Variants in RYR1 observed in about 807,000 individuals in gnomAD.
RYR1 encodes central core disease of muscle.
A neutral mutation model predicts 583.5 loss-of-function variants in RYR1; 342 were observed. The observed-to-expected ratio is 0.59, with a 90% confidence interval of 0.54 to 0.64. The LOEUF is 0.64. RYR1 is among the 30% of genes least tolerant of loss of function. The pLI is 0.00. For synonymous variants in RYR1, 2,791 were observed against 2,822.5 expected, an observed-to-expected ratio of 0.99 and a Z score of 0.35; for missense variants, 6,032 against 6,917.2, an observed-to-expected ratio of 0.87 and a Z score of 4.54.
At chr19:38,507,146 G>A (rs942246847) in intron 57 of RYR1, among the ~76,000 whole-genome samples, 194 bp downstream of exon 57, 1 of 131,976 alleles carries the variant, frequency 7.6e-6, no homozygotes, top group African/African-American at 3.1e-5. Flanking sequence ...GTTCGAAATG[G>A]GCGGGGCTTA....
At position 38,500,822 on chromosome 19, in the gene RYR1, T is replaced by C. The variant is rs374058542; in HGVS notation, c.7446T>C (p.Asp2482=). The change falls in exon 47 of 106, where the codon GAT becomes GAC. Residue 2482 remains aspartate, a splice_region_variant and synonymous_variant. Coordinates refer to ENST00000359596, the MANE Select transcript of RYR1 (RefSeq NM_000540.3). This position sits in a 1 kb window ranked among gnomAD's most constrained non-coding sequence, Gnocchi z 5.9. The part of the protein sequence containing the change: ...LPLQIPTLGK[D]GALVQPKMSA... ...CGAACCCACCCTCCCTGCCTGCAGA[T>C]GGGGCTCTGGTGCAGCCAAAGATGT... is the stretch of plus-strand genomic sequence containing the variant. The C allele has an allele frequency of 3.1e-6, 5 of 1,611,870 alleles. No individual in the cohort carries two copies. Among genetic ancestry groups the C allele is most frequent in the Non-Finnish European group, 3.4e-6 (4 of 1,178,924 alleles).
chr19:38,546,215 AC>A (rs901042252), intron 87 of RYR1, among the ~76,000 whole-genome samples: 17 of 151,626 alleles, frequency 1.1e-4, no homozygotes, highest in African/African-American at 3.9e-4. Flanking sequence ...CAGCCTTCCC[AC>A]TACCCATCAC....
intron 16 of RYR1, 105 bp from the exon 17 acceptor site, chr19:38,457,392 C>G (rs1967469164): frequency 1.3e-6 from 2 of 1,529,734 alleles, no homozygotes; most frequent in Admixed American, 3.3e-5. Flanking sequence ...CACATCTTAT[C>G]CCGATGCGCT....
chr19:38,515,746 A>G (rs1970938577), intron 64 of RYR1, among the ~76,000 whole-genome samples: 1 of 152,162 alleles, frequency 6.6e-6, no homozygotes, highest in Non-Finnish European at 1.5e-5. Flanking sequence ...CAGCCTGAGC[A>G]GCATAGGGAG....
chr19:38,478,152 C>T (rs1968832694), intron 30 of RYR1, among the ~76,000 whole-genome samples: 1 of 152,026 alleles, frequency 6.6e-6, no homozygotes, highest in African/African-American at 2.4e-5. Context: ...TCTCACCCTT[C>T]TCCTTCTCTG....
At chr19:38,435,715 G>A (rs1972396831) in intron 1 of RYR1, among the ~76,000 whole-genome samples, 1 of 152,040 alleles carries the variant, frequency 6.6e-6, no homozygotes, top group South Asian at 2.1e-4. Flanking sequence ...TCCAGCCTGG[G>A]CGACAGGGCG....
rs1337465189 is a variant in RYR1, at chr19:38,532,688, G to A, written c.11211G>A (p.Glu3737=). The A allele has an allele frequency of 2.5e-6, 4 of 1,614,028 alleles. No individual in the cohort carries two copies. The highest frequency in any genetic ancestry group is 1.7e-5 in the Admixed American group (1 of 59,998). The change falls in exon 78 of 106, where the codon GAG becomes GAA. Residue 3737 remains glutamate, a synonymous_variant. Coordinates refer to ENST00000359596, the MANE Select transcript of RYR1 (RefSeq NM_000540.3). ...DIMAKSCHLE[E]GGENGEAEEE... is the part of the protein sequence containing the mutation. ...CTCCCCAGAGCTGCCACCTGGAGGA[G>A]GGAGGGGAGAACGGTGAAGCTGAAG...
intron 84 of RYR1, among the ~76,000 whole-genome samples, chr19:38,541,587 A>G (rs541629629): frequency 6.6e-5 from 10 of 152,246 alleles, no homozygotes; most frequent in Admixed American, 2.0e-4. Flanking sequence ...GTGGTGGCGC[A>G]TGCCTGTAAT....
intron 67 of RYR1, 51 bp downstream of exon 67, chr19:38,519,505 C>A: frequency 6.4e-7 from 1 of 1,555,694 alleles, no homozygotes. Context: ...CTCCCACGTC[C>A]TCCAGCCCCA....
At chr19:38,434,229 C>T (rs953798438) in intron 1 of RYR1, among the ~76,000 whole-genome samples, 16 of 152,034 alleles carry the variant, frequency 1.1e-4, no homozygotes, top group African/African-American at 2.9e-4. Flanking sequence ...ATTTAGCCAT[C>T]CCCCCACCCC....
intron 7 of RYR1, among the ~76,000 whole-genome samples, chr19:38,445,293 T>A (rs1470674968): frequency 7.3e-6 from 1 of 137,128 alleles, no homozygotes; most frequent in Non-Finnish European, 1.5e-5. Context: ...TCTCAGCCCC[T>A]CAAACCCAGA....
At chr19:38,466,955 G>T (rs1292312378) in intron 24 of RYR1, among the ~76,000 whole-genome samples, 2 of 152,118 alleles carry the variant, frequency 1.3e-5, no homozygotes, top group Non-Finnish European at 2.9e-5. Flanking sequence ...GGCTATGACT[G>T]CAAACCAGAG....
chr19:38,505,986 G>A, intron 54 of RYR1, 40 bp downstream of exon 54: 1 of 1,601,652 alleles, frequency 6.2e-7, no homozygotes, highest in Non-Finnish European at 8.5e-7. Context: ...GGCACGATGG[G>A]GGGAGGGTCT....
In RYR1 at chr19:38,543,559, T is replaced by C; in HGVS notation, c.11806T>C (p.Tyr3936His). The C allele has an allele frequency of 6.2e-7, 1 of 1,612,342 alleles. No homozygotes were observed. Residue 3936 changes from tyrosine to histidine, a missense_variant, in exon 86 of 106, where the codon TAC becomes CAC. This residue lies in a region of RYR1 where 1,493 missense variants were observed against 1,715.5 expected (regional missense o/e 0.87). Transcript: ENST00000359596. The surrounding 1 kb of genome is among the most constrained non-coding windows in gnomAD (Gnocchi z 4.4). ...QESISDFYWY[Y>H]SGKDVIEEQG... Reference sequence around the variant, plus strand: ...ATCCATCAGCGACTTCTACTGGTACTACTCGGGCAAGGATGTCATTGAAGA... The same window carrying C: ...ATCCATCAGCGACTTCTACTGGTACCACTCGGGCAAGGATGTCATTGAAGA...
chr19:38,566,850 G>T, intron 91 of RYR1, 61 bp from the exon 92 acceptor site: 1 of 1,561,288 alleles, frequency 6.4e-7, no homozygotes, highest in Non-Finnish European at 8.7e-7. Flanking sequence ...AGAGGAGCAG[G>T]CAGGCAGCCT....
At position 38,548,324 on chromosome 19, in the gene RYR1, C is replaced by T; in HGVS notation, c.12186C>T (p.Asp4062=). The T allele has an allele frequency of 2.5e-6, 4 of 1,614,224 alleles. No individual in the cohort carries two copies. Among genetic ancestry groups the T allele is most frequent in the Non-Finnish European group, 2.5e-6 (3 of 1,180,040 alleles). Residue 4062 remains aspartate, a synonymous_variant, in exon 89 of 106, where the codon GAC becomes GAT. Coordinates refer to ENST00000359596, the MANE Select transcript of RYR1 (RefSeq NM_000540.3). ...SNVEMILKFF[D]MFLKLKDIVG... The stretch of plus-strand genomic sequence containing the variant: ...TGGAGATGATCCTCAAGTTCTTCGA[C>T]ATGTTCCTGAAACTCAAGGACATTG...
Position 38,524,859 on chromosome 19 carries a change from T to C in RYR1, c.10456-473T>C, listed in dbSNP as rs1416026761. Among the ~76,000 whole-genome samples the C allele has an allele frequency of 2.0e-5, 3 of 152,134 alleles. No individual in the cohort carries two copies. In the East Asian group the frequency reaches 5.8e-4, roughly 29 times the overall value. On this transcript the variant is annotated intron_variant, in intron 70 of 105. Transcript: ENST00000359596. ...GTTGTGCATGCTGTGGAGGGGGTATTGTACTGGGGTTCCTAGGGGATTCTG... is the reference window on the plus strand; with the variant it reads ...GTTGTGCATGCTGTGGAGGGGGTATCGTACTGGGGTTCCTAGGGGATTCTG...
At chr19:38,504,674 G>A in intron 50 of RYR1, 74 bp from the exon 51 acceptor site, 1 of 1,584,684 alleles carries the variant, frequency 6.3e-7, no homozygotes, top group South Asian at 1.1e-5. Flanking sequence ...TGATTGCAGT[G>A]TGTGAGTTTG....
chr19:38,457,208 T>C (rs997788464), intron 16 of RYR1, among the ~76,000 whole-genome samples: 1 of 152,134 alleles, frequency 6.6e-6, no homozygotes, highest in African/African-American at 2.4e-5. Context: ...CGTTTCAGTC[T>C]GCCTTCTGAC....
Sources: gnomAD v4.1 joint callset for allele counts (sites outside exome capture counted in the v4.1 genomes callset) on GRCh38, gnomAD v4.1.1 for gene constraint, gnomAD v4.1.1 regional missense constraint, Gnocchi (gnomAD v3.1) non-coding constraint, MANE v1.5 for transcripts, NCBI Gene and HGNC (gene_info 2026-07-23, HGNC 2026-07-21) for gene names.